Variants in KCND2 observed in about 807,000 individuals in gnomAD.
KCND2 encodes potassium voltage-gated channel subfamily D member 2.
KCND2 carries 16 observed loss-of-function variants against 54.4 expected under a neutral mutation model. The observed-to-expected ratio is 0.29, with a 90% CI of 0.20 to 0.45. The LOEUF (loss-of-function observed/expected upper bound fraction) is 0.45. Ranked by LOEUF, KCND2 falls within the 20% of genes least tolerant of loss-of-function variation. The pLI, the probability that KCND2 is intolerant of heterozygous loss-of-function variation, is 1.00. For synonymous variants in KCND2, 317 were observed against 310.7 expected (o/e 1.02, Z -0.21); for missense variants, 486 against 824.2 (o/e 0.59, Z 5.02).
intron 1 of KCND2, among the ~76,000 whole-genome samples, chr7:120,282,092 A>C (rs561744900): frequency 6.6e-6 from 1 of 152,124 alleles, no homozygotes; most frequent in Non-Finnish European, 1.5e-5. Flanking sequence ...TAAATTGCGG[A>C]TGCCTTTGGG....
At chr7:120,340,971 G>A (rs1800231591) in intron 1 of KCND2, among the ~76,000 whole-genome samples, 1 of 152,158 alleles carries the variant, frequency 6.6e-6, no homozygotes, top group South Asian at 2.1e-4. Context: ...CAAAGAAAAA[G>A]AAGTAATTCC....
At chr7:120,746,052 C>G (rs185350652) in intron 5 of KCND2, 25 bp downstream of exon 5, 1 of 1,609,940 alleles carries the variant, frequency 6.2e-7, no homozygotes, top group Non-Finnish European at 8.5e-7. Context: ...TCTGTGTTGT[C>G]TACACACCTG....
At chr7:120,432,185 A>G (rs1456270975) in intron 1 of KCND2, among the ~76,000 whole-genome samples, 2 of 152,312 alleles carry the variant, frequency 1.3e-5, no homozygotes, top group Non-Finnish European at 2.9e-5. Flanking sequence ...ACAGTACTCA[A>G]ATGACAAGAT....
intron 1 of KCND2, among the ~76,000 whole-genome samples, chr7:120,336,269 C>T (rs1053145750): frequency 7.2e-5 from 11 of 152,154 alleles, no homozygotes; most frequent in Admixed American, 3.3e-4. Context: ...ACCCCGCTTT[C>T]GCAGTCCCAA....
intron 1 of KCND2, among the ~76,000 whole-genome samples, chr7:120,357,536 C>G (rs560462534): frequency 6.6e-6 from 1 of 152,018 alleles, no homozygotes; most frequent in Non-Finnish European, 1.5e-5. Flanking sequence ...CTATTCCTAG[C>G]ATTGTAAGAG....
chr7:120,586,904 T>C (rs1792607425), intron 1 of KCND2, among the ~76,000 whole-genome samples: 2 of 152,128 alleles, frequency 1.3e-5, no homozygotes, highest in African/African-American at 4.8e-5. Flanking sequence ...AAAGCACAAC[T>C]TTATAAAAAG....
At chr7:120,440,215 T>C (rs1482145656) in intron 1 of KCND2, among the ~76,000 whole-genome samples, 1 of 152,090 alleles carries the variant, frequency 6.6e-6, no homozygotes, top group Admixed American at 6.6e-5. Context: ...TGATATTTCA[T>C]TGTGGTCTTG....
intron 1 of KCND2, among the ~76,000 whole-genome samples, chr7:120,306,268 A>G (rs575556745): frequency 6.6e-6 from 1 of 152,236 alleles, no homozygotes; most frequent in Non-Finnish European, 1.5e-5. Context: ...TTTTATGACC[A>G]TATTTCTCTT....
chr7:120,736,747 G>C (rs942117426), intron 2 of KCND2, among the ~76,000 whole-genome samples: 1 of 151,764 alleles, frequency 6.6e-6, no homozygotes, highest in African/African-American at 2.4e-5. Flanking sequence ...TGCAAAGGAA[G>C]TATACTATTT....
intron 1 of KCND2, among the ~76,000 whole-genome samples, chr7:120,668,760 G>A (rs1353551226): frequency 6.6e-6 from 1 of 152,002 alleles, no homozygotes; most frequent in Non-Finnish European, 1.5e-5. Context: ...GAAACCATTA[G>A]ATGATACAGA....
chr7:120,639,528 C>T (rs1278964436), intron 1 of KCND2, among the ~76,000 whole-genome samples: 1 of 152,162 alleles, frequency 6.6e-6, no homozygotes, highest in Non-Finnish European at 1.5e-5. Context: ...TGTTCCCTTT[C>T]TTCCCATTTC....
intron 1 of KCND2, among the ~76,000 whole-genome samples, chr7:120,706,450 C>A (rs1792469597): frequency 6.6e-6 from 1 of 152,170 alleles, no homozygotes; most frequent in Non-Finnish European, 1.5e-5. Context: ...TGAAGGGCAG[C>A]AATTCTGTGT....
chr7:120,744,203 A>G lies in KCND2; in HGVS notation c.1468-1577A>G, dbSNP rs575453676. On this transcript the variant is annotated intron_variant, in intron 4 of 5. Transcript: ENST00000331113. ...CTTGAACCCAGGAGGCAGAGGTTGC[A>G]GTGAGCTAAGATAGTGTCACTGCAC... is the stretch of plus-strand genomic sequence containing the variant. 1.2e-4 allele frequency among the ~76,000 whole-genome samples: 19 copies of G among 152,298 alleles called. No individual in the cohort carries two copies. The South Asian group carries it at 3.9e-3, about 32-fold the overall frequency.
chr7:120,351,818 T>G (rs1222507898), intron 1 of KCND2, among the ~76,000 whole-genome samples: 1 of 152,064 alleles, frequency 6.6e-6, no homozygotes, highest in Middle Eastern at 3.4e-3. Flanking sequence ...TTCTTTCTTT[T>G]TTTTTCTTTT....
At chr7:120,308,245 A>T (rs1799678051) in intron 1 of KCND2, among the ~76,000 whole-genome samples, 1 of 152,128 alleles carries the variant, frequency 6.6e-6, no homozygotes, top group Admixed American at 6.6e-5. Context: ...ATGATTATAA[A>T]GGTAGTTTTA....
chr7:120,302,210 T>C (rs1489955500), intron 1 of KCND2, among the ~76,000 whole-genome samples: 5 of 152,186 alleles, frequency 3.3e-5, no homozygotes, highest in Non-Finnish European at 7.4e-5. Context: ...TTATTACTTT[T>C]ATAGAATAAG....
intron 1 of KCND2, among the ~76,000 whole-genome samples, chr7:120,689,490 A>AT (rs1432095144): frequency 2.0e-5 from 3 of 152,182 alleles, no homozygotes; most frequent in Non-Finnish European, 4.4e-5. Flanking sequence ...TAAAGTCACC[A>AT]TTTACATAAT....
intron 1 of KCND2, among the ~76,000 whole-genome samples, chr7:120,569,292 C>G (rs984609105): frequency 2.6e-4 from 39 of 152,094 alleles, no homozygotes; most frequent in African/African-American, 9.4e-4. Context: ...AAGCAAAATA[C>G]CTTCCACTGG....
chr7:120,404,324 A>G (rs907596576), intron 1 of KCND2, among the ~76,000 whole-genome samples: 2 of 152,264 alleles, frequency 1.3e-5, no homozygotes, highest in Middle Eastern at 3.4e-3. Context: ...TCATTAGTAC[A>G]TGTCATTTTT....
Sources: allele counts gnomAD v4.1 joint callset (sites outside exome capture counted in the v4.1 genomes callset), GRCh38; gene constraint gnomAD v4.1.1; transcripts MANE v1.5; gene names NCBI Gene and HGNC (gene_info 2026-07-23, HGNC 2026-07-21).